Variants in TIGD4 observed in about 807,000 individuals in gnomAD.
TIGD4 encodes tigger transposable element-derived protein 4.
TIGD4 carries 20 observed loss-of-function variants against 24.9 expected under a neutral mutation model. That is an observed-to-expected ratio of 0.80 (90% CI 0.56 to 1.17). TIGD4 has a LOEUF of 1.17. Ranked by LOEUF, TIGD4 falls within the 50% of genes most tolerant of loss-of-function variation. The pLI is 0.00. For synonymous variants in TIGD4, 193 were observed against 211.0 expected (o/e 0.91, Z 0.74); for missense variants, 566 against 591.0 (o/e 0.96, Z 0.44).
intron 1 of TIGD4, among the ~76,000 whole-genome samples, chr4:152,779,254 G>A (rs1311916741): frequency 6.6e-6 from 1 of 152,244 alleles, no homozygotes; most frequent in African/African-American, 2.4e-5. Flanking sequence ...GAGCCGGAAA[G>A]AAAAGTATCA....
At position 152,770,693 on chromosome 4, in the gene TIGD4, T is replaced by C. The variant is rs1319117830; in HGVS notation, c.312A>G (p.Pro104=). The part of the protein sequence containing the change: ...WYRIAQCLNV[P]VNGPMLRLKA... ...TTAGACGTAACATCGGACCATTAAC[T>C]GGTACATTTAGACACTGAGCAATTC... Residue 104 remains proline (P), a synonymous_variant, in exon 2 of 2, where the codon CCA becomes CCG. Transcript: ENST00000304337. 1 of 1,613,008 alleles carries C rather than the reference T, an allele frequency of 6.2e-7. No homozygotes were observed. The highest frequency in any genetic ancestry group is 8.5e-7 in the Non-Finnish European group (1 of 1,179,682).
At chr4:152,777,655 GAAGGA>G (rs1219995460) in intron 1 of TIGD4, among the ~76,000 whole-genome samples, 1 of 149,586 alleles carries the variant, frequency 6.7e-6, no homozygotes, top group Non-Finnish European at 1.5e-5. Context: ...AGGGAGACAA[GAAGGA>G]AAGGAGGAAA....
At position 152,769,770 on chromosome 4, in the gene TIGD4, G is replaced by A. The variant is rs1033837351; in HGVS notation, c.1235C>T (p.Pro412Leu). ...ADALGAGVEF[P>L]EGLSIEEYAA... ...ATATTCTTCTATAGATAAACCTTCA[G>A]GAAATTCTACTCCTGCCCCCAGAGC... The change falls in exon 2 of 2, where the codon CCT becomes CTT. Residue 412 changes from proline to leucine, a missense_variant. Pro to Leu is a moderately conservative substitution (Grantham distance 98, BLOSUM62 -3). Coordinates refer to ENST00000304337, the MANE Select transcript of TIGD4 (RefSeq NM_145720.4). 3.1e-6 allele frequency: 5 copies of A among 1,613,432 alleles called. No homozygotes were observed. Among genetic ancestry groups the A allele is most frequent in the Non-Finnish European group, 4.2e-6 (5 of 1,179,938 alleles).
At chr4:152,778,392 T>C (rs1163866373) in intron 1 of TIGD4, among the ~76,000 whole-genome samples, 2 of 152,238 alleles carry the variant, frequency 1.3e-5, no homozygotes, top group Admixed American at 6.5e-5. Context: ...AGTTCTGTAG[T>C]TGCTCAGTTC....
Position 152,770,699 on chromosome 4 carries a change from A to T in TIGD4, c.306T>A (p.Asn102Lys). The T allele has an allele frequency of 6.2e-7, 1 of 1,613,512 alleles. No individual in the cohort carries two copies. The highest frequency in any genetic ancestry group is 8.5e-7 in the Non-Finnish European group (1 of 1,179,810). The change falls in exon 2 of 2, where the codon AAT (asparagine) becomes AAA (lysine). Residue 102 changes from asparagine (N) to lysine (K), a missense_variant. Physicochemically the swap from Asn to Lys is moderately conservative, Grantham distance 94. Coordinates refer to ENST00000304337, the MANE Select transcript of TIGD4 (RefSeq NM_145720.4). ...MRWYRIAQCL[N>K]VPVNGPMLRL... ...GTAACATCGGACCATTAACTGGTAC[A>T]TTTAGACACTGAGCAATTCGATACC...
intron 1 of TIGD4, among the ~76,000 whole-genome samples, chr4:152,777,250 C>T (rs1730273939): frequency 6.6e-6 from 1 of 152,136 alleles, no homozygotes; most frequent in South Asian, 2.1e-4. Flanking sequence ...CCACAAATGC[C>T]ATTCAGGGCT....
Position 152,769,598 on chromosome 4 carries a change from T to C in TIGD4, c.1407A>G (p.Leu469=). 6.2e-7 allele frequency: 1 copy of C among 1,613,808 alleles called. No individual in the cohort carries two copies. Among genetic ancestry groups the C allele is most frequent in the South Asian group, 1.1e-5 (1 of 90,990 alleles). Residue 469 remains leucine, a synonymous_variant, in exon 2 of 2, where the codon TTA becomes TTG. Transcript: ENST00000304337. ...DDGSPGTELP[L]PSKSEAITAL... ...CAGTTATTGCCTCAGATTTTGATGGTAAAGGGAGTTCAGTTCCTGGAGATC... is the reference window on the plus strand; with the variant it reads ...CAGTTATTGCCTCAGATTTTGATGGCAAAGGGAGTTCAGTTCCTGGAGATC...
Position 152,769,670 on chromosome 4 carries a change from T to A in TIGD4, c.1335A>T (p.Lys445Asn). The part of the protein sequence containing the change: ...NGDSICTKES[K>N]SDETGFYTSD... ...AAGTGTAAAATCCAGTTTCATCCGA[T>A]TTACTTTCTTTGGTGCATATGGAAT... Residue 445 changes from lysine to asparagine, a missense_variant, in exon 2 of 2, where the codon AAA becomes AAT. Coordinates refer to ENST00000304337, the MANE Select transcript of TIGD4 (RefSeq NM_145720.4). The A allele has an allele frequency of 3.7e-6, 6 of 1,613,320 alleles. No individual in the cohort carries two copies. The highest frequency in any genetic ancestry group is 1.7e-4 in the Middle Eastern group (1 of 6,060).
intron 1 of TIGD4, among the ~76,000 whole-genome samples, chr4:152,773,698 A>G (rs1730216924): frequency 6.6e-6 from 1 of 150,380 alleles, no homozygotes; most frequent in East Asian, 1.9e-4. Context: ...AGAATAGGCC[A>G]TTATGAATTC....
intron 1 of TIGD4, among the ~76,000 whole-genome samples, chr4:152,777,507 A>T (rs1311663524): frequency 6.8e-6 from 1 of 146,114 alleles, no homozygotes; most frequent in African/African-American, 2.5e-5. Flanking sequence ...AAAGGAAGAA[A>T]GGAAGAAAAG....
At position 152,770,689 on chromosome 4, in the gene TIGD4, T is replaced by A. The variant is rs1163868602; in HGVS notation, c.316A>T (p.Asn106Tyr). The part of the protein sequence containing the change: ...RIAQCLNVPV[N>Y]GPMLRLKAND... ...GCTTTTAGACGTAACATCGGACCAT[T>A]AACTGGTACATTTAGACACTGAGCA... is the stretch of plus-strand genomic sequence containing the variant. The change falls in exon 2 of 2, where the codon AAT (asparagine) becomes TAT (tyrosine). Residue 106 changes from asparagine to tyrosine, a missense_variant. Coordinates refer to ENST00000304337, the MANE Select transcript of TIGD4 (RefSeq NM_145720.4). The A allele has an allele frequency of 6.2e-7, 1 of 1,612,864 alleles. No homozygotes were observed. Among genetic ancestry groups the A allele is most frequent in the Non-Finnish European group, 8.5e-7 (1 of 1,179,628 alleles).
chr4:152,773,872 AT>A (rs1427731333), intron 1 of TIGD4, among the ~76,000 whole-genome samples: 5 of 152,156 alleles, frequency 3.3e-5, no homozygotes, highest in African/African-American at 1.2e-4. Context: ...TAAAAATAAA[AT>A]TCTTGCTCTT....
intron 1 of TIGD4, among the ~76,000 whole-genome samples, chr4:152,777,613 GA>G (rs527945165): frequency 3.0e-4 from 44 of 145,952 alleles, no homozygotes; most frequent in Middle Eastern, 3.5e-3. Context: ...AAGGAGGAAA[GA>G]AAAAGAGGAA....
At chr4:152,772,451 C>T (rs551795852) in intron 1 of TIGD4, among the ~76,000 whole-genome samples, 2 of 152,198 alleles carry the variant, frequency 1.3e-5, no homozygotes, top group Admixed American at 6.5e-5. Flanking sequence ...CTTCAGCTTC[C>T]TTATCTGTAA....
At chr4:152,772,366 G>C (rs796966917) in intron 1 of TIGD4, among the ~76,000 whole-genome samples, 3 of 152,030 alleles carry the variant, frequency 2.0e-5, no homozygotes, top group African/African-American at 7.2e-5. Flanking sequence ...AAGGTGCCAG[G>C]CAGTTCTGAA....
rs144040737 is a variant in TIGD4, at chr4:152,770,003, A to C, written c.1002T>G (p.Leu334=). The change falls in exon 2 of 2, where the codon CTT becomes CTG. Residue 334 remains leucine, a synonymous_variant. Transcript: ENST00000304337. Reference sequence around the variant, plus strand: ...CAACAGAGCTTAAAAATTTCTTGATAAGACAGTGTCGATATTTGATTTTAA... The same window carrying C: ...CAACAGAGCTTAAAAATTTCTTGATCAGACAGTGTCGATATTTGATTTTAA... The part of the protein sequence containing the change: ...KSLKIKYRHC[L]IKKFLSSVEG... 1.2e-6 allele frequency: 2 copies of C among 1,610,164 alleles called. No individual in the cohort carries two copies. Among genetic ancestry groups the C allele is most frequent in the East Asian group, 4.5e-5 (2 of 44,798 alleles).
chr4:152,776,824 A>C (rs765431174), intron 1 of TIGD4, among the ~76,000 whole-genome samples: 4 of 152,234 alleles, frequency 2.6e-5, no homozygotes, highest in Non-Finnish European at 5.9e-5. Context: ...AGACAGTAGT[A>C]TAAAGCAGAC....
chr4:152,772,594 T>C (rs1185118588), intron 1 of TIGD4, among the ~76,000 whole-genome samples: 1 of 152,222 alleles, frequency 6.6e-6, no homozygotes, highest in African/African-American at 2.4e-5. Flanking sequence ...GATCTCATCA[T>C]CATTATCTCT....
In TIGD4 at chr4:152,769,565, A is replaced by G; in HGVS notation, c.1440T>C (p.Asp480=). 1 of 1,613,042 alleles carries G rather than the reference A, an allele frequency of 6.2e-7. No individual in the cohort carries two copies. Among genetic ancestry groups the G allele is most frequent in the South Asian group, 1.1e-5 (1 of 90,798 alleles). The change falls in exon 2 of 2, where the codon GAT becomes GAC. Residue 480 remains aspartate, a synonymous_variant. Transcript: ENST00000304337. ...GACTTCTGAGAAATTTTTTCAGAGT[A>G]TCTAAAGCAGTTATTGCCTCAGATT... ...PSKSEAITAL[D]TLKKFLRSQD...
Sources: gnomAD v4.1 joint callset for allele counts (sites outside exome capture counted in the v4.1 genomes callset) on GRCh38, gnomAD v4.1.1 for gene constraint, MANE v1.5 for transcripts, NCBI Gene and HGNC (gene_info 2026-07-23, HGNC 2026-07-21) for gene names.